Variants in SLC24A2 observed in about 807,000 individuals in gnomAD.
SLC24A2 encodes the protein solute carrier family 24 member 2.
A neutral mutation model predicts 62.0 loss-of-function variants in SLC24A2; 36 were observed. That is an observed-to-expected ratio of 0.58 (90% confidence interval 0.44 to 0.77). The LOEUF is 0.77. SLC24A2 is among the 30% of genes least tolerant of loss of function. The probability of loss-of-function intolerance (pLI) is 0.00; values close to 1 mark genes in which losing one functional copy is unlikely to be tolerated. For synonymous variants in SLC24A2, 358 were observed against 294.0 expected (o/e 1.22, Z -2.23); for missense variants, 846 against 817.9 (o/e 1.03, Z -0.42).
the SLC24A2 span, among the ~76,000 whole-genome samples, chr9:20,195,542 T>C: frequency 6.6e-6 from 1 of 152,336 alleles, no homozygotes; most frequent in East Asian, 1.9e-4. Context: ...TGCCTTTTTC[T>C]CTCAATTTGT....
chr9:20,247,091 T>C, the SLC24A2 span, among the ~76,000 whole-genome samples: 1 of 152,260 alleles, frequency 6.6e-6, no homozygotes, highest in Non-Finnish European at 1.5e-5. Flanking sequence ...TAAGTGCCTC[T>C]GCTTACTTTC....
At chr9:19,931,069 A>T in the SLC24A2 span, among the ~76,000 whole-genome samples, 2 of 152,228 alleles carry the variant, frequency 1.3e-5, no homozygotes, top group Admixed American at 1.3e-4. Context: ...ATAACCATAG[A>T]ATGTTACTTA....
chr9:20,115,374 C>A, the SLC24A2 span, among the ~76,000 whole-genome samples: 1 of 152,234 alleles, frequency 6.6e-6, no homozygotes, highest in East Asian at 1.9e-4. Context: ...GAACTACCCT[C>A]AGTCAGATAC....
At chr9:19,923,827 A>C in the SLC24A2 span, among the ~76,000 whole-genome samples, 3 of 152,162 alleles carry the variant, frequency 2.0e-5, no homozygotes, top group Non-Finnish European at 4.4e-5. Flanking sequence ...GGCTCATTGC[A>C]ATCTCCGCCT....
the SLC24A2 span, among the ~76,000 whole-genome samples, chr9:19,894,518 T>A: frequency 2.0e-5 from 3 of 152,348 alleles, no homozygotes; most frequent in South Asian, 2.1e-4. Context: ...TGTTTTTTTT[T>A]ATCTCTAGCA....
chr9:20,106,186 T>G, the SLC24A2 span, among the ~76,000 whole-genome samples: 1 of 152,196 alleles, frequency 6.6e-6, no homozygotes, highest in Non-Finnish European at 1.5e-5. Flanking sequence ...TAACAGGATC[T>G]GAAATTGTGG....
At chr9:19,727,455 A>G (rs1223787562) in intron 2 of SLC24A2, among the ~76,000 whole-genome samples, 2 of 152,066 alleles carry the variant, frequency 1.3e-5, no homozygotes, top group Non-Finnish European at 2.9e-5. Context: ...CCTACACACT[A>G]CATCATTTAG....
chr9:19,885,935 T>G, the SLC24A2 span, among the ~76,000 whole-genome samples: 1 of 152,184 alleles, frequency 6.6e-6, no homozygotes, highest in Non-Finnish European at 1.5e-5. Context: ...ATCTCATTCT[T>G]TTTTATGACT....
the SLC24A2 span, among the ~76,000 whole-genome samples, chr9:20,284,698 A>G: frequency 1.1e-4 from 16 of 152,308 alleles, no homozygotes; most frequent in African/African-American, 3.8e-4. Context: ...GAGTTTCACA[A>G]GTAGAGAACC....
the SLC24A2 span, among the ~76,000 whole-genome samples, chr9:19,923,133 T>TTGGCA: frequency 6.6e-6 from 1 of 152,042 alleles, no homozygotes; most frequent in East Asian, 1.9e-4. Flanking sequence ...AGTGGATAAA[T>TTGGCA]TGGCATGGCT....
the SLC24A2 span, among the ~76,000 whole-genome samples, chr9:20,227,404 A>G: frequency 9.9e-5 from 15 of 152,154 alleles, no homozygotes; most frequent in Non-Finnish European, 2.1e-4. Context: ...TTAATACCCA[A>G]CTGGCCTCAA....
At chr9:20,252,886 G>C in the SLC24A2 span, among the ~76,000 whole-genome samples, 1 of 152,170 alleles carries the variant, frequency 6.6e-6, no homozygotes, top group Non-Finnish European at 1.5e-5. Context: ...TAAGTAGCTG[G>C]TGCTTCCTTA....
chr9:19,968,991 T>C, the SLC24A2 span, among the ~76,000 whole-genome samples: 6 of 152,104 alleles, frequency 3.9e-5, no homozygotes, highest in East Asian at 1.2e-3. Context: ...TAATAAAAGG[T>C]TTACAGTGGC....
At chr9:20,113,407 C>T in the SLC24A2 span, among the ~76,000 whole-genome samples, 1 of 152,088 alleles carries the variant, frequency 6.6e-6, no homozygotes, top group African/African-American at 2.4e-5. Flanking sequence ...GTAAAAAGCA[C>T]ATAAAATAGT....
At chr9:19,969,646 G>A in the SLC24A2 span, among the ~76,000 whole-genome samples, 1 of 152,186 alleles carries the variant, frequency 6.6e-6, no homozygotes, top group Non-Finnish European at 1.5e-5. Flanking sequence ...TGAGGCTACA[G>A]TAGTAAGAAA....
the SLC24A2 span, among the ~76,000 whole-genome samples, chr9:19,904,389 G>C: frequency 3.3e-5 from 5 of 152,052 alleles, no homozygotes; most frequent in African/African-American, 7.2e-5. Context: ...CAAAAGACAG[G>C]GGAGAAAATG....
the SLC24A2 span, among the ~76,000 whole-genome samples, chr9:20,275,991 G>T: frequency 6.6e-6 from 1 of 152,120 alleles, no homozygotes; most frequent in African/African-American, 2.4e-5. Context: ...GACACGTGGG[G>T]ATTATGGGAG....
In SLC24A2 at chr9:19,640,265, G is replaced by A. The variant is rs372419388; in HGVS notation, c.931-17966C>T. ...CTGCTGTTATTAAACCATGTGCCTT[G>A]CTGAGTACTCACTGCATAAAGAAGA... On this transcript the variant is annotated intron_variant, in intron 2 of 10. Coordinates refer to ENST00000341998, the MANE Select transcript of SLC24A2 (RefSeq NM_020344.4). Among the ~76,000 whole-genome samples, 564 of 152,224 alleles carry A rather than the reference G, an allele frequency of 3.7e-3. 2 individuals are homozygous for A. Among genetic ancestry groups the A allele is most frequent in the African/African-American group, 0.012 (510 of 41,526 alleles).
chr9:19,788,437 T>A, intron 1 of SLC24A2: 1 of 897,496 alleles, frequency 1.1e-6, no homozygotes, highest in Non-Finnish European at 1.3e-6. Flanking sequence ...TAGGAGAATG[T>A]TCGCCCCCAG....
Sources: allele counts gnomAD v4.1 joint callset (sites outside exome capture counted in the v4.1 genomes callset), GRCh38; gene constraint gnomAD v4.1.1; transcripts MANE v1.5; gene names NCBI Gene and HGNC (gene_info 2026-07-23, HGNC 2026-07-21).